Variants in COX7B2 observed in about 807,000 individuals in gnomAD.
COX7B2 encodes the protein cytochrome c oxidase subunit 7B2.
For synonymous variants in COX7B2, 37 were observed against 32.1 expected, an observed-to-expected ratio of 1.15 and a Z score of -0.51; for missense variants, 109 against 95.9, an observed-to-expected ratio of 1.14 and a Z score of -0.57.
At chr4:46,758,199 C>A (rs1380273430) in intron 2 of COX7B2, among the ~76,000 whole-genome samples, 2 of 151,980 alleles carry the variant, frequency 1.3e-5, no homozygotes, top group African/African-American at 4.8e-5. Flanking sequence ...AACATTTATT[C>A]AATCAGAATT....
chr4:46,765,962 C>A lies in COX7B2; in HGVS notation c.-49-30721G>T, dbSNP rs113283452. ...CCTACTCCAGCACTAGGATGGTCTC[C>A]GTGGATCCAGGTGCCAAGCCTGCCC... On this transcript the variant is annotated intron_variant, in intron 2 of 2. Transcript: ENST00000355591. Among the ~76,000 whole-genome samples, 570 of 152,190 alleles carry A rather than the reference C, an allele frequency of 3.7e-3. 4 individuals are homozygous for A. The highest frequency in any genetic ancestry group is 0.013 in the African/African-American group (531 of 41,516).
At chr4:46,852,557 C>A (rs1223907682) in intron 1 of COX7B2, among the ~76,000 whole-genome samples, 1 of 150,076 alleles carries the variant, frequency 6.7e-6, no homozygotes, top group East Asian at 1.9e-4. Flanking sequence ...AATATGAATA[C>A]ACAAATACAC....
At chr4:46,876,202 G>A (rs9291291) in intron 1 of COX7B2, among the ~76,000 whole-genome samples, 21,008 of 152,016 alleles carry the variant, frequency 0.14, 1,567 homozygotes, top group South Asian at 0.26. Context: ...CAATTACCAG[G>A]GATAGATTAT....
rs550771738 is a variant in COX7B2, at chr4:46,818,479, A to G, written c.-50+26481T>C. ...AAACCCCGTCTCTACTAAAAAAAAT[A>G]CAAAAAAATTAGCTGGGTGTGGTGG... On this transcript the variant is annotated intron_variant, in intron 2 of 2. Transcript: ENST00000355591. 2.1e-4 allele frequency among the ~76,000 whole-genome samples: 32 copies of G among 151,688 alleles called. No homozygotes were observed. In the South Asian group the frequency reaches 6.2e-3, roughly 29 times the overall value.
At chr4:46,745,077 T>C (rs10005129) in intron 2 of COX7B2, among the ~76,000 whole-genome samples, 53,051 of 151,950 alleles carry the variant, frequency 0.35, 9,512 homozygotes, top group South Asian at 0.47. Context: ...GTTTCCATTT[T>C]GCATTAAAAT....
intron 1 of COX7B2, among the ~76,000 whole-genome samples, chr4:46,879,097 C>A (rs1015091213): frequency 6.6e-6 from 1 of 151,934 alleles, no homozygotes; most frequent in Non-Finnish European, 1.5e-5. Flanking sequence ...GAACTAAGGC[C>A]GTGATTTTTT....
chr4:46,889,178 T>C (rs1468208380), intron 1 of COX7B2, among the ~76,000 whole-genome samples: 2 of 152,212 alleles, frequency 1.3e-5, no homozygotes, highest in East Asian at 3.8e-4. Context: ...AAAAATCCAT[T>C]TGATAGAACT....
At chr4:46,837,140 G>A (rs773911360) in intron 2 of COX7B2, among the ~76,000 whole-genome samples, 5 of 151,982 alleles carry the variant, frequency 3.3e-5, no homozygotes, top group Non-Finnish European at 5.9e-5. Context: ...ATCTTTAAGA[G>A]ACTCTGAGAC....
At chr4:46,883,138 G>A (rs568399019) in intron 1 of COX7B2, among the ~76,000 whole-genome samples, 13 of 152,170 alleles carry the variant, frequency 8.5e-5, no homozygotes, top group Admixed American at 2.0e-4. Flanking sequence ...AGGTAAAGCC[G>A]GTAGCAATAC....
chr4:46,800,131 C>T (rs1440989391), intron 2 of COX7B2, among the ~76,000 whole-genome samples: 1 of 152,044 alleles, frequency 6.6e-6, no homozygotes, highest in Non-Finnish European at 1.5e-5. Flanking sequence ...AGGGATAACA[C>T]AAACAGATGG....
At chr4:46,903,690 A>G (rs1720206600) in intron 1 of COX7B2, among the ~76,000 whole-genome samples, 1 of 152,182 alleles carries the variant, frequency 6.6e-6, no homozygotes, top group Non-Finnish European at 1.5e-5. Context: ...ATGTTTATAT[A>G]TGTTTAACTA....
At chr4:46,877,200 T>C (rs115300775) in intron 1 of COX7B2, among the ~76,000 whole-genome samples, 5 of 152,286 alleles carry the variant, frequency 3.3e-5, no homozygotes, top group African/African-American at 1.2e-4. Flanking sequence ...GAGATGAGTA[T>C]ATGGAATAAG....
At chr4:46,908,373 G>A (rs1315284563) in intron 1 of COX7B2, among the ~76,000 whole-genome samples, 1 of 152,112 alleles carries the variant, frequency 6.6e-6, no homozygotes. Flanking sequence ...GTTTAATAGG[G>A]ATGCCTCAAC....
At chr4:46,905,844 A>C in intron 1 of COX7B2, among the ~76,000 whole-genome samples, 1 of 45,700 alleles carries the variant, frequency 2.2e-5, no homozygotes, top group African/African-American at 8.1e-5. Context: ...TTTTTTTGAG[A>C]CGGAGTCTCG....
At chr4:46,864,128 T>C (rs1330901983) in intron 1 of COX7B2, among the ~76,000 whole-genome samples, 1 of 152,116 alleles carries the variant, frequency 6.6e-6, no homozygotes, top group Non-Finnish European at 1.5e-5. Context: ...GACTTAGTCT[T>C]ACTGAAAATT....
intron 1 of COX7B2, among the ~76,000 whole-genome samples, chr4:46,871,200 C>A (rs900965856): frequency 9.2e-5 from 14 of 152,062 alleles, no homozygotes; most frequent in African/African-American, 3.4e-4. Flanking sequence ...GCACCAATAA[C>A]CATATGATCT....
chr4:46,734,920 ATTC>A lies in COX7B2; in HGVS notation c.*24_*26del, dbSNP rs1560339439. 6.2e-6 allele frequency: 10 copies of A among 1,613,624 alleles called. No homozygotes were observed. The highest frequency in any genetic ancestry group is 8.5e-6 in the Non-Finnish European group (10 of 1,179,790). ...ACATGACAAGTTGGTTTTTTAAACA[ATTC>A]TGTCATTACAGCAACTGTGATGGTT... On this transcript the variant is annotated 3_prime_UTR_variant, in exon 3 of 3. Coordinates refer to ENST00000355591, the MANE Select transcript of COX7B2 (RefSeq NM_130902.3).
intron 2 of COX7B2, among the ~76,000 whole-genome samples, chr4:46,824,331 T>C (rs143873995): frequency 1.3e-5 from 2 of 152,246 alleles, no homozygotes; most frequent in African/African-American, 4.8e-5. Context: ...GCAAGCATCA[T>C]CTTCATACCA....
At chr4:46,878,804 CT>C (rs1718516225) in intron 1 of COX7B2, among the ~76,000 whole-genome samples, 2 of 152,140 alleles carry the variant, frequency 1.3e-5, no homozygotes, top group South Asian at 4.1e-4. Context: ...AAGTCTACCC[CT>C]TCTCTCTGAG....
Sources: allele counts gnomAD v4.1 joint callset (sites outside exome capture counted in the v4.1 genomes callset), GRCh38; gene constraint gnomAD v4.1.1; transcripts MANE v1.5; gene names NCBI Gene and HGNC (gene_info 2026-07-23, HGNC 2026-07-21).